Variants in ADGRL1 observed in about 807,000 individuals in gnomAD.
ADGRL1 encodes adhesion G protein-coupled receptor L1.
A neutral mutation model predicts 148.9 loss-of-function variants in ADGRL1; 31 were observed. The ratio of observed to expected loss-of-function variants is 0.21; its 90% CI spans 0.16 to 0.28. ADGRL1 has a LOEUF of 0.28. Among genes scored for constraint, ADGRL1 ranks in the 10% least tolerant of loss-of-function variants. The pLI is 1.00. For missense variants in ADGRL1, 1,521 were observed against 2,058.8 expected, an observed-to-expected ratio of 0.74 and a Z score of 5.05; for synonymous variants, 937 against 900.3, an observed-to-expected ratio of 1.04 and a Z score of -0.73.
chr19:14,189,772 G>GT (rs1396767266), intron 1 of ADGRL1, among the ~76,000 whole-genome samples: 1 of 152,110 alleles, frequency 6.6e-6, no homozygotes, highest in Non-Finnish European at 1.5e-5. Context: ...TCTATTTAAG[G>GT]TTACATGATA....
intron 1 of ADGRL1, among the ~76,000 whole-genome samples, chr19:14,195,327 G>A (rs1203048227): frequency 1.3e-5 from 2 of 152,196 alleles, no homozygotes; most frequent in Non-Finnish European, 2.9e-5. Context: ...CTGTCCTCGG[G>A]TGCCCTGTGA....
chr19:14,174,551 T>C (rs1411002216), intron 3 of ADGRL1, among the ~76,000 whole-genome samples: 1 of 151,230 alleles, frequency 6.6e-6, no homozygotes, highest in Non-Finnish European at 1.5e-5. Context: ...TTTTTTTTTT[T>C]TTGAGACAGA....
At chr19:14,173,148 A>G (rs1970594725) in intron 3 of ADGRL1, among the ~76,000 whole-genome samples, 1 of 152,086 alleles carries the variant, frequency 6.6e-6, no homozygotes, top group Admixed American at 6.5e-5. Context: ...TTTAGTAGAG[A>G]TGGGGTTTTG....
At chr19:14,177,448 G>GT in intron 3 of ADGRL1, 83 bp downstream of exon 3, 5 of 1,281,060 alleles carry the variant, frequency 3.9e-6, no homozygotes, top group Non-Finnish European at 5.6e-6. Context: ...AAAAAAAGAT[G>GT]TAAGGTGAAC....
chr19:14,156,765 G>A (rs770618702), intron 15 of ADGRL1, 41 bp from the exon 16 acceptor site: 26 of 1,582,652 alleles, frequency 1.6e-5, no homozygotes, highest in Non-Finnish European at 2.2e-5. Context: ...AGAAGCCGAG[G>A]AGCCATTCCC....
chr19:14,183,313 C>T (rs1275515930), intron 2 of ADGRL1, among the ~76,000 whole-genome samples: 1 of 151,992 alleles, frequency 6.6e-6, no homozygotes, highest in Non-Finnish European at 1.5e-5. Flanking sequence ...CCTGGCCCAG[C>T]CGACTTGTTG....
chr19:14,168,717 C>G (rs141040276), intron 4 of ADGRL1: 177 of 152,308 alleles, frequency 1.2e-3, no homozygotes, highest in African/African-American at 4.1e-3. Context: ...CCCTTTATCT[C>G]ACCTGCCTCG....
intron 16 of ADGRL1, 129 bp from the exon 17 acceptor site, chr19:14,156,330 T>A (rs1968741738): frequency 2.7e-6 from 2 of 746,612 alleles, no homozygotes; most frequent in Non-Finnish European, 4.6e-6. Context: ...ACCCCGTACC[T>A]GCCCCTGAGG....
intron 4 of ADGRL1, among the ~76,000 whole-genome samples, chr19:14,163,905 G>C (rs1161075920): frequency 6.6e-6 from 1 of 151,960 alleles, no homozygotes; most frequent in African/African-American, 2.4e-5. Flanking sequence ...GGAAGAGCTA[G>C]GGTCCAGGAT....
Position 14,157,803 on chromosome 19 carries a change from C to G in ADGRL1, c.2535+79G>C. The G allele has an allele frequency of 6.5e-7, 1 of 1,527,638 alleles. No homozygotes were observed. The highest frequency in any genetic ancestry group is 1.9e-5 in the Admixed American group (1 of 51,680). The allele number at this position is 1,527,638 out of a possible 1,614,324, so 94.6% of individuals were successfully genotyped here. Reference sequence around the variant, plus strand: ...GGGGCTAGCCTCCCCTGGTACTGCCCGTGATCTCTCTAGGATGCCATGCAA... The same window carrying G: ...GGGGCTAGCCTCCCCTGGTACTGCCGGTGATCTCTCTAGGATGCCATGCAA... On this transcript the variant is annotated intron_variant, in intron 13 of 22. Coordinates refer to ENST00000361434, the MANE Select transcript of ADGRL1 (RefSeq NM_014921.5). The surrounding 1 kb of genome is among the most constrained non-coding windows in gnomAD (Gnocchi z 7.5).
chr19:14,181,250 T>A (rs75959765), intron 2 of ADGRL1, among the ~76,000 whole-genome samples: 43 of 152,304 alleles, frequency 2.8e-4, no homozygotes, highest in African/African-American at 7.5e-4. Context: ...GGGAATGAAC[T>A]CATGTTTCTA....
intron 18 of ADGRL1, among the ~76,000 whole-genome samples, chr19:14,154,541 C>T (rs1053353373): frequency 2.0e-5 from 3 of 152,344 alleles, no homozygotes; most frequent in East Asian, 3.9e-4. Context: ...CCTCCTGCCT[C>T]AGCCTCCCAA....
At chr19:14,175,451 GCCACACCCGCTCACACACATGCTCACAC>G (rs1290768542) in intron 3 of ADGRL1, among the ~76,000 whole-genome samples, 3 of 139,868 alleles carry the variant, frequency 2.1e-5, no homozygotes, top group Non-Finnish European at 4.5e-5. Context: ...ACCTCAGTCA[GCCACACCCGCTCACACACATGCTCACAC>G]CCACACCCGC....
intron 4 of ADGRL1, chr19:14,169,264 T>C (rs1357420942): frequency 6.6e-6 from 1 of 152,234 alleles, no homozygotes; most frequent in African/African-American, 2.4e-5. Context: ...CAAGCGCTTC[T>C]CACATGTCAT....
intron 1 of ADGRL1, among the ~76,000 whole-genome samples, chr19:14,198,320 G>A (rs907451594): frequency 6.6e-6 from 1 of 152,100 alleles, no homozygotes; most frequent in Non-Finnish European, 1.5e-5. Context: ...CAGAGGTGGA[G>A]ATCAGACTGT....
chr19:14,192,422 G>A (rs2145113664), intron 1 of ADGRL1, among the ~76,000 whole-genome samples: 1 of 151,980 alleles, frequency 6.6e-6, no homozygotes, highest in Admixed American at 6.6e-5. Context: ...TGTATTTTTA[G>A]TAGAGATGAC....
chr19:14,179,206 A>T (rs1599474961), intron 2 of ADGRL1, among the ~76,000 whole-genome samples: 2 of 151,736 alleles, frequency 1.3e-5, no homozygotes. Flanking sequence ...AAAATAAAAA[A>T]AAAATAGGTC....
chr19:14,175,256 G>A (rs1407910082), intron 3 of ADGRL1, among the ~76,000 whole-genome samples: 2 of 151,994 alleles, frequency 1.3e-5, no homozygotes, highest in South Asian at 2.1e-4. Flanking sequence ...ACCCCTCCAC[G>A]CTCACACAAT....
rs1970385052 is a variant in ADGRL1, at chr19:14,170,610, G to A, written c.394+72C>T. The A allele has an allele frequency of 4.5e-6, 4 of 889,158 alleles. No individual in the cohort carries two copies. The Admixed American group carries it at 6.1e-5, about 13-fold the overall frequency. 55.1% of individuals were successfully genotyped at this position (889,158 alleles called of 1,614,324 possible). On this transcript the variant is annotated intron_variant, in intron 4 of 22. Transcript: ENST00000361434. ...CATGCATGTGTGCACATGTGTGATG[G>A]GTCAAGGTGTCTCCTCCTCACTCAC...
Sources: allele counts gnomAD v4.1 joint callset (sites outside exome capture counted in the v4.1 genomes callset), GRCh38; gene constraint gnomAD v4.1.1; non-coding constraint Gnocchi (gnomAD v3.1); transcripts MANE v1.5; gene names NCBI Gene and HGNC (gene_info 2026-07-23, HGNC 2026-07-21).